Variants in CREBZF observed in about 807,000 individuals in gnomAD.
CREBZF encodes the protein CREB/ATF bZIP transcription factor, also known as HCF-binding transcription factor Zhangfei.
In CREBZF, 8 loss-of-function variants were observed where a neutral mutation model predicts 21.1. That is an observed-to-expected ratio of 0.38 (90% confidence interval 0.22 to 0.68). CREBZF has a LOEUF of 0.68. CREBZF is among the 30% of genes least tolerant of loss of function. The probability of loss-of-function intolerance (pLI) is 0.51; values close to 1 mark genes in which losing one functional copy is unlikely to be tolerated. For missense variants in CREBZF, 518 were observed against 484.3 expected, an observed-to-expected ratio of 1.07 and a Z score of -0.65; for synonymous variants, 270 against 223.3, an observed-to-expected ratio of 1.21 and a Z score of -1.86.
chr11:85,677,512 T>C (rs779747327), intron 1 of CREBZF, among the ~76,000 whole-genome samples: 3 of 152,200 alleles, frequency 2.0e-5, no homozygotes, highest in Non-Finnish European at 4.4e-5. Flanking sequence ...ACCAGGTCAA[T>C]TGTCCTATTG....
intron 1 of CREBZF, among the ~76,000 whole-genome samples, chr11:85,678,127 A>G (rs932142312): frequency 6.6e-6 from 1 of 152,106 alleles, no homozygotes; most frequent in Non-Finnish European, 1.5e-5. Context: ...TCTCTTGTCT[A>G]TTTGACAGAA....
At chr11:85,669,798 T>TTTTG (rs372303126), upstream of CREBZF, among the ~76,000 whole-genome samples, 1,579 of 152,016 alleles carry the variant, frequency 0.01, 11 homozygotes, top group Middle Eastern at 0.031. Context: ...ACTAAATGTT[T>TTTTG]TTTGTTTGTT....
intron 1 of CREBZF, among the ~76,000 whole-genome samples, chr11:85,675,906 T>C (rs920516317): frequency 3.3e-5 from 5 of 152,134 alleles, no homozygotes; most frequent in Admixed American, 1.3e-4. Flanking sequence ...TAGGGCACTG[T>C]TGGATTATGT....
intron 1 of CREBZF, among the ~76,000 whole-genome samples, chr11:85,670,300 CT>C (rs1178979017): frequency 2.5e-3 from 99 of 39,218 alleles, no homozygotes; most frequent in South Asian, 4.4e-3. Flanking sequence ...ATCTCAAGTT[CT>C]TTTTTTTTTT....
Position 85,664,741 on chromosome 11 carries a change from C to T in CREBZF, c.135G>A (p.Thr45=), listed in dbSNP as rs1350812440. ...LTRAAAGEEE[T]AAAGSPGRKQ... ...TGCGGCCGGGAGATCCGGCCGCCGC[C>T]GTCTCCTCCTCCCCCGCTGCAGCCC... Residue 45 remains threonine, a synonymous_variant, in exon 1 of 1, where the codon ACG becomes ACA. Coordinates refer to ENST00000527447, the MANE Select transcript of CREBZF (RefSeq NM_001039618.4). The surrounding 1 kb of genome is among the most constrained non-coding windows in gnomAD (Gnocchi z 5.5). The T allele has an allele frequency of 1.2e-6, 2 of 1,608,154 alleles. No individual in the cohort carries two copies. Among genetic ancestry groups the T allele is most frequent in the Admixed American group, 1.7e-5 (1 of 59,060 alleles).
Position 85,664,264 on chromosome 11 carries a change from C to G in CREBZF, c.612G>C (p.Gln204His). The G allele has an allele frequency of 6.2e-7, 1 of 1,612,768 alleles. No homozygotes were observed. Among genetic ancestry groups the G allele is most frequent in the Non-Finnish European group, 8.5e-7 (1 of 1,179,812 alleles). ...GGGGSGNDNN[Q>H]AATKSPRKAA... ...CCTTCCGGGGACTCTTTGTCGCCGC[C>G]TGGTTGTTGTCGTTACCGCTGCCGC... The change falls in exon 1 of 1, where the codon CAG becomes CAC. Residue 204 changes from glutamine (Q) to histidine (H), a missense_variant. Physicochemically the swap from Gln to His is conservative, Grantham distance 24 (BLOSUM62 0). This residue lies in a region of CREBZF where 396 missense variants were observed against 324.4 expected (regional missense o/e 1.22). Coordinates refer to ENST00000527447, the MANE Select transcript of CREBZF (RefSeq NM_001039618.4). The surrounding 1 kb of genome is among the most constrained non-coding windows in gnomAD (Gnocchi z 5.5).
intron 1 of CREBZF, among the ~76,000 whole-genome samples, chr11:85,681,691 G>A (rs1437433136): frequency 1.3e-5 from 2 of 152,204 alleles, no homozygotes; most frequent in African/African-American, 4.8e-5. Flanking sequence ...ATTCAGCAGG[G>A]ATATAGGTCT....
chr11:85,672,484 A>G (rs367925693), intron 1 of CREBZF, among the ~76,000 whole-genome samples: 3 of 152,220 alleles, frequency 2.0e-5, no homozygotes, highest in East Asian at 3.8e-4. Flanking sequence ...AAATTTTCCA[A>G]ACTTTTGTGT....
chr11:85,678,312 A>C (rs2082954588), intron 1 of CREBZF, among the ~76,000 whole-genome samples: 1 of 152,162 alleles, frequency 6.6e-6, no homozygotes. Flanking sequence ...TGCTCACTGC[A>C]TTGGATTTTT....
intron 1 of CREBZF, among the ~76,000 whole-genome samples, chr11:85,672,052 T>A (rs2082915136): frequency 6.6e-6 from 1 of 152,246 alleles, no homozygotes; most frequent in African/African-American, 2.4e-5. Context: ...TTTCCATACA[T>A]CCTCTAAAAT....
chr11:85,670,466 A>G (rs1221209150), intron 1 of CREBZF, among the ~76,000 whole-genome samples: 1 of 151,266 alleles, frequency 6.6e-6, no homozygotes, highest in African/African-American at 2.4e-5. Flanking sequence ...ACCACGCCCA[A>G]CTAATTTTTT....
chr11:85,664,430 T>G lies in CREBZF; in HGVS notation c.446A>C (p.Asp149Ala). The G allele has an allele frequency of 1.2e-6, 2 of 1,613,768 alleles. No individual in the cohort carries two copies. Among genetic ancestry groups the G allele is most frequent in the Non-Finnish European group, 1.7e-6 (2 of 1,180,008 alleles). Residue 149 changes from aspartate to alanine, a missense_variant, in exon 1 of 1, where the codon GAT becomes GCT. Coordinates refer to ENST00000527447, the MANE Select transcript of CREBZF (RefSeq NM_001039618.4). This position sits in a 1 kb window ranked among gnomAD's most constrained non-coding sequence, Gnocchi z 5.5. ...CTGCATTTCAGCAGCCGCGGCCTCATCGTCATCGTCCCCTCTCCACAGGCC... is the reference window on the plus strand; with the variant it reads ...CTGCATTTCAGCAGCCGCGGCCTCAGCGTCATCGTCCCCTCTCCACAGGCC... ...SGGLWRGDDD[D>A]EAAAAEMQRF...
Position 85,664,608 on chromosome 11 carries a change from T to C in CREBZF, c.268A>G (p.Ser90Gly), listed in dbSNP as rs1477688222. 6.2e-7 allele frequency: 1 copy of C among 1,613,478 alleles called. No individual in the cohort carries two copies. The highest frequency in any genetic ancestry group is 1.7e-5 in the Admixed American group (1 of 59,980). Reference sequence around the variant, plus strand: ...TCCTCCGTCTCTTCCCCCGGGAGGCTGGCGATCGCCTCCTCCTCCATCTCC... The same window carrying C: ...TCCTCCGTCTCTTCCCCCGGGAGGCCGGCGATCGCCTCCTCCTCCATCTCC... Reference protein sequence around the residue: ...PEEMEEEAIASLPGEETEDMD... With the variant: ...PEEMEEEAIAGLPGEETEDMD... The change falls in exon 1 of 1, where the codon AGC (serine) becomes GGC (glycine). Residue 90 changes from serine (S) to glycine (G), a missense_variant. By Grantham distance (56) the Ser-to-Gly change is moderately conservative. Around this residue, in one of 3 missense-constraint regions of CREBZF, gnomAD observed 396 missense variants for 324.4 expected, o/e 1.22. Coordinates refer to ENST00000527447, the MANE Select transcript of CREBZF (RefSeq NM_001039618.4). The surrounding 1 kb of genome is among the most constrained non-coding windows in gnomAD (Gnocchi z 5.5).
intron 1 of CREBZF, among the ~76,000 whole-genome samples, chr11:85,680,666 C>T (rs527690895): frequency 6.6e-6 from 1 of 152,212 alleles, no homozygotes; most frequent in African/African-American, 2.4e-5. Context: ...ATCTGTACAG[C>T]TCTAGGTGTC....
rs774289627 is a variant in CREBZF, at chr11:85,664,474, G to A, written c.402C>T (p.Gly134=). The A allele has an allele frequency of 6.8e-6, 11 of 1,613,570 alleles. No homozygotes were observed. Among genetic ancestry groups the A allele is most frequent in the Middle Eastern group, 1.7e-4 (1 of 6,060 alleles). ...ACAGGCCGCCGCTATCCGAGCCTCC[G>A]CCAGACGAGGAGAGAGGCCCCGGCG... ...LSSPGPLSSS[G]GGSDSGGLWR... Residue 134 remains glycine (G), a synonymous_variant, in exon 1 of 1, where the codon GGC becomes GGT. Transcript: ENST00000527447. This position sits in a 1 kb window ranked among gnomAD's most constrained non-coding sequence, Gnocchi z 5.5.
chr11:85,672,690 T>G (rs2082919811), intron 1 of CREBZF, among the ~76,000 whole-genome samples: 1 of 152,228 alleles, frequency 6.6e-6, no homozygotes, highest in Non-Finnish European at 1.5e-5. Flanking sequence ...TGGGCCCATG[T>G]GTGAGTGTCT....
At chr11:85,669,001 CAAAAAAAAAAAAAAAAAAAAAAAAAAA>C (rs61718728), upstream of CREBZF, among the ~76,000 whole-genome samples, 8 of 33,218 alleles carry the variant, frequency 2.4e-4, no homozygotes, top group South Asian at 1.4e-3. Context: ...GACTCCGTCT[CAAAAAAAAAAAAAAAAAAAAAAAAAAA>C]AAAAAAAAAA....
intron 1 of CREBZF, among the ~76,000 whole-genome samples, chr11:85,681,132 G>C (rs2082974301): frequency 6.6e-6 from 1 of 152,178 alleles, no homozygotes; most frequent in Admixed American, 6.5e-5. Flanking sequence ...AGGCTTTTAG[G>C]GGAGCAGTTA....
In CREBZF at chr11:85,663,610, G is replaced by A; in HGVS notation, c.*201C>T. ...ATCACCTAAAAAAGAAACTGTCAGA[G>A]AGATTTAATAGTCACATGTTATCAT... On this transcript the variant is annotated 3_prime_UTR_variant, in exon 1 of 1. Coordinates refer to ENST00000527447, the MANE Select transcript of CREBZF (RefSeq NM_001039618.4). 6.4e-7 allele frequency: 1 copy of A among 1,559,426 alleles called. No homozygotes were observed. The highest frequency in any genetic ancestry group is 8.7e-7 in the Non-Finnish European group (1 of 1,151,414).
Sources: gnomAD v4.1 joint callset for allele counts (sites outside exome capture counted in the v4.1 genomes callset) on GRCh38, gnomAD v4.1.1 for gene constraint, gnomAD v4.1.1 regional missense constraint, Gnocchi (gnomAD v3.1) non-coding constraint, MANE v1.5 for transcripts, NCBI Gene and HGNC (gene_info 2026-07-23, HGNC 2026-07-21) for gene names.